Variants in SLC24A2 observed in about 807,000 individuals in gnomAD.
SLC24A2 encodes sodium/potassium/calcium exchanger 2.
SLC24A2 carries 36 observed loss-of-function variants against 62.0 expected under a neutral mutation model. That is an observed-to-expected ratio of 0.58 (90% confidence interval 0.44 to 0.77). SLC24A2 has a LOEUF of 0.77. Ranked by LOEUF, SLC24A2 falls within the 30% of genes least tolerant of loss-of-function variation. The pLI is 0.00. For missense variants in SLC24A2, 846 were observed against 817.9 expected (o/e 1.03, Z -0.42); for synonymous variants, 358 against 294.0 (o/e 1.22, Z -2.23).
intron 2 of SLC24A2, among the ~76,000 whole-genome samples, chr9:19,720,967 T>C (rs747985611): frequency 2.6e-5 from 4 of 151,962 alleles, no homozygotes; most frequent in Non-Finnish European, 5.9e-5. Context: ...TCCCAAAGTA[T>C]AGTGCTTGAC....
At chr9:20,202,167 A>T in the SLC24A2 span, among the ~76,000 whole-genome samples, 3 of 151,968 alleles carry the variant, frequency 2.0e-5, no homozygotes, top group African/African-American at 7.3e-5. Flanking sequence ...AAGCAGAAGA[A>T]GTGCTACTAG....
the SLC24A2 span, among the ~76,000 whole-genome samples, chr9:20,227,630 G>T: frequency 6.7e-6 from 1 of 150,020 alleles, no homozygotes. Flanking sequence ...AACAAAAATA[G>T]TGTCTCTTCT....
chr9:19,631,288 A>C (rs1045411027), intron 2 of SLC24A2, among the ~76,000 whole-genome samples: 1 of 152,144 alleles, frequency 6.6e-6, no homozygotes, highest in African/African-American at 2.4e-5. Context: ...CCAACACTGA[A>C]TTGTGTCACT....
intron 5 of SLC24A2, 79 bp downstream of exon 5, chr9:19,597,150 A>C: frequency 1.0e-6 from 1 of 952,864 alleles, no homozygotes; most frequent in Non-Finnish European, 1.7e-6. Context: ...GAGAGGAAAA[A>C]AAAGAATAAA....
chr9:19,670,914 C>A (rs1255877407), intron 2 of SLC24A2, among the ~76,000 whole-genome samples: 5 of 152,104 alleles, frequency 3.3e-5, no homozygotes, highest in Non-Finnish European at 7.3e-5. Flanking sequence ...CCACCAGTGC[C>A]AAGACCTCAA....
the SLC24A2 span, among the ~76,000 whole-genome samples, chr9:20,074,539 T>C: frequency 4.3e-5 from 6 of 139,554 alleles, no homozygotes; most frequent in South Asian, 2.3e-4. Context: ...ATGGAAATAA[T>C]AGGAAGAGAA....
chr9:19,676,422 G>C (rs1819561625), intron 2 of SLC24A2, among the ~76,000 whole-genome samples: 1 of 152,164 alleles, frequency 6.6e-6, no homozygotes, highest in Non-Finnish European at 1.5e-5. Context: ...CCATGCCGTT[G>C]CCAGAATCTT....
At chr9:20,011,297 C>T in the SLC24A2 span, among the ~76,000 whole-genome samples, 157 of 152,156 alleles carry the variant, frequency 1.0e-3, no homozygotes, top group Non-Finnish European at 1.8e-3. Flanking sequence ...TTAATGATCA[C>T]CATTCTAACT....
chr9:19,906,800 C>T, the SLC24A2 span, among the ~76,000 whole-genome samples: 2 of 152,172 alleles, frequency 1.3e-5, no homozygotes, highest in African/African-American at 4.8e-5. Flanking sequence ...TCTGAATAGA[C>T]CAATAACAGG....
At chr9:20,091,206 C>T in the SLC24A2 span, among the ~76,000 whole-genome samples, 3 of 148,590 alleles carry the variant, frequency 2.0e-5, no homozygotes, top group East Asian at 2.0e-4. Flanking sequence ...TATGGGATTA[C>T]GTAAAGAGGT....
chr9:19,939,778 A>C, the SLC24A2 span, among the ~76,000 whole-genome samples: 1 of 152,208 alleles, frequency 6.6e-6, no homozygotes, highest in African/African-American at 2.4e-5. Context: ...GTTGACCAAA[A>C]TGTCATCATG....
chr9:19,557,551 C>G (rs778438538), intron 7 of SLC24A2, among the ~76,000 whole-genome samples: 2 of 152,134 alleles, frequency 1.3e-5, no homozygotes, highest in African/African-American at 4.8e-5. Context: ...GTGGTGTTGA[C>G]TCAAAGCCTT....
chr9:20,225,734 T>C, the SLC24A2 span, among the ~76,000 whole-genome samples: 10 of 150,642 alleles, frequency 6.6e-5, no homozygotes, highest in Non-Finnish European at 1.2e-4. Flanking sequence ...TTTCCTTTCA[T>C]TGATCTTTAT....
At chr9:19,531,784 A>G (rs1422993474) in intron 8 of SLC24A2, among the ~76,000 whole-genome samples, 1 of 147,874 alleles carries the variant, frequency 6.8e-6, no homozygotes, top group Admixed American at 7.1e-5. Context: ...ACAAATTACC[A>G]GCAATGTGAC....
intron 4 of SLC24A2, 35 bp downstream of exon 4, chr9:19,619,549 C>G (rs376027801): frequency 9.7e-5 from 147 of 1,521,372 alleles, no homozygotes; most frequent in Non-Finnish European, 1.3e-4. Context: ...CCTTTTCCCC[C>G]CAAACAAGTT....
At chr9:19,901,047 G>A in the SLC24A2 span, among the ~76,000 whole-genome samples, 1 of 152,198 alleles carries the variant, frequency 6.6e-6, no homozygotes, top group African/African-American at 2.4e-5. Flanking sequence ...GTGGGACCTT[G>A]ACACTGGCAC....
intron 4 of SLC24A2, among the ~76,000 whole-genome samples, chr9:19,597,991 C>G (rs919232731): frequency 6.6e-6 from 1 of 152,102 alleles, no homozygotes; most frequent in Non-Finnish European, 1.5e-5. Context: ...CCTCTGTGTA[C>G]ACATCATCAA....
chr9:20,205,098 C>G, the SLC24A2 span, among the ~76,000 whole-genome samples: 1 of 152,042 alleles, frequency 6.6e-6, no homozygotes, highest in African/African-American at 2.4e-5. Context: ...TGAATGCCTG[C>G]AGGATGAAAA....
At chr9:19,885,163 A>G in the SLC24A2 span, among the ~76,000 whole-genome samples, 66 of 152,280 alleles carry the variant, frequency 4.3e-4, no homozygotes, top group Middle Eastern at 6.8e-3. Context: ...AAGAAAAGAA[A>G]AAAGTTCCTC....
Sources: gnomAD v4.1 joint callset for allele counts (sites outside exome capture counted in the v4.1 genomes callset) on GRCh38, gnomAD v4.1.1 for gene constraint, MANE v1.5 for transcripts, NCBI Gene and HGNC (gene_info 2026-07-23, HGNC 2026-07-21) for gene names.